The following RARB variants were observed in gnomAD, a reference collection of about 807,000 sequenced individuals.
The protein encoded by RARB is HBV-activated protein.
Under a neutral mutation model 51.9 loss-of-function variants are expected in RARB, and 17 were observed. That is an observed-to-expected ratio of 0.33 (90% CI 0.22 to 0.49). The LOEUF (loss-of-function observed/expected upper bound fraction) is 0.49, where lower values mean the gene tolerates loss of function less well. RARB is among the 20% of genes least tolerant of loss of function. RARB has a pLI of 0.99. For synonymous variants in RARB, 215 were observed against 195.4 expected, an observed-to-expected ratio of 1.10 and a Z score of -0.84; for missense variants, 369 against 550.8, an observed-to-expected ratio of 0.67 and a Z score of 3.30.
chr3:25,425,251 A>G (rs527643451), upstream of RARB, among the ~76,000 whole-genome samples: 6 of 152,192 alleles, frequency 3.9e-5, no homozygotes, highest in Non-Finnish European at 8.8e-5. Context: ...TACCCTACTC[A>G]TTAATCTTTA....
intron 3 of RARB, among the ~76,000 whole-genome samples, chr3:25,115,553 C>A (rs180912481): frequency 2.4e-3 from 372 of 151,958 alleles, no homozygotes; most frequent in African/African-American, 8.5e-3. Context: ...TTCTTTGCTT[C>A]TTTTCTCCCC....
At chr3:25,492,588 T>C (rs1163489240) in intron 2 of RARB, among the ~76,000 whole-genome samples, 1 of 152,220 alleles carries the variant, frequency 6.6e-6, no homozygotes, top group Non-Finnish European at 1.5e-5. Context: ...CTGTGGTCTC[T>C]GGGTCTAACA....
chr3:25,027,662 A>G (rs769277417), intron 2 of RARB, among the ~76,000 whole-genome samples: 27 of 145,814 alleles, frequency 1.9e-4, no homozygotes, highest in Non-Finnish European at 2.7e-4. Flanking sequence ...AGTTAGCAAG[A>G]CCATAAAAGA....
chr3:25,589,261 C>T lies in RARB; in HGVS notation c.787-4242C>T, dbSNP rs374705032. ...AAAAGCAAGTGCAAACACTTTGCCT[C>T]AGCAGTGAGTCATCGAAGCTTCACA... On this transcript the variant is annotated intron_variant, in intron 5 of 7. Coordinates refer to ENST00000330688, the MANE Select transcript of RARB (RefSeq NM_000965.5). Among the ~76,000 whole-genome samples, 17 of 152,252 alleles carry T rather than the reference C, an allele frequency of 1.1e-4. No homozygotes were observed. The East Asian group carries it at 2.7e-3, about 24-fold the overall frequency.
chr3:25,371,941 G>A (rs924179235), intron 5 of RARB, among the ~76,000 whole-genome samples: 1 of 152,176 alleles, frequency 6.6e-6, no homozygotes, highest in East Asian at 1.9e-4. Flanking sequence ...TGGATTTGAC[G>A]TTGAACAGTG....
At chr3:24,842,594 G>T (rs1417470402) in intron 1 of RARB, among the ~76,000 whole-genome samples, 1 of 152,072 alleles carries the variant, frequency 6.6e-6, no homozygotes, top group Admixed American at 6.6e-5. Context: ...TTAAGTAATA[G>T]TCCTCTTGAG....
intron 2 of RARB, among the ~76,000 whole-genome samples, chr3:24,964,188 A>T (rs976616321): frequency 2.0e-5 from 3 of 152,110 alleles, no homozygotes; most frequent in African/African-American, 7.2e-5. Context: ...GTGTATAAAA[A>T]GTAAGGTTAG....
chr3:24,994,785 CA>C (rs1696987823), intron 2 of RARB, among the ~76,000 whole-genome samples: 1 of 151,984 alleles, frequency 6.6e-6, no homozygotes, highest in African/African-American at 2.4e-5. Context: ...GTGTCCTTGT[CA>C]AAAATTAGTT....
At chr3:24,894,665 A>G (rs1430132536) in intron 2 of RARB, among the ~76,000 whole-genome samples, 1 of 152,242 alleles carries the variant, frequency 6.6e-6, no homozygotes, top group Non-Finnish European at 1.5e-5. Flanking sequence ...AATTATTCAG[A>G]AAGTTCTGTG....
intron 3 of RARB, among the ~76,000 whole-genome samples, chr3:25,109,181 C>T (rs773763035): frequency 2.0e-5 from 3 of 152,082 alleles, no homozygotes; most frequent in Non-Finnish European, 4.4e-5. Context: ...GTATAGTTAC[C>T]TCATATAATA....
At chr3:25,123,439 G>C (rs965469077) in intron 3 of RARB, among the ~76,000 whole-genome samples, 4 of 152,168 alleles carry the variant, frequency 2.6e-5, no homozygotes, top group Admixed American at 6.5e-5. Context: ...ACTACACCCA[G>C]TGTTCTTCAC....
intron 5 of RARB, among the ~76,000 whole-genome samples, chr3:25,249,182 T>A (rs1351937315): frequency 6.6e-6 from 1 of 152,080 alleles, no homozygotes; most frequent in Non-Finnish European, 1.5e-5. Context: ...TGTCTTCAAG[T>A]TCCGAAATTC....
At chr3:25,587,183 G>T (rs1319611944) in intron 5 of RARB, among the ~76,000 whole-genome samples, 1 of 152,158 alleles carries the variant, frequency 6.6e-6, no homozygotes, top group Admixed American at 6.5e-5. Flanking sequence ...TTAGTTCCTG[G>T]CACATAGTAA....
At chr3:25,253,461 G>T (rs1702780587) in intron 5 of RARB, among the ~76,000 whole-genome samples, 1 of 152,104 alleles carries the variant, frequency 6.6e-6, no homozygotes, top group Non-Finnish European at 1.5e-5. Flanking sequence ...AATATTCAAA[G>T]AAATAGTTAA....
chr3:24,988,956 G>T (rs1696853306), intron 2 of RARB, among the ~76,000 whole-genome samples: 1 of 152,122 alleles, frequency 6.6e-6, no homozygotes, highest in African/African-American at 2.4e-5. Flanking sequence ...TTCCTGAGTA[G>T]CTGGGATTAC....
chr3:25,368,840 G>T (rs1285484248), intron 5 of RARB, among the ~76,000 whole-genome samples: 1 of 152,192 alleles, frequency 6.6e-6, no homozygotes, highest in African/African-American at 2.4e-5. Flanking sequence ...TCTAACAGAT[G>T]ATTTAGACCC....
At chr3:24,937,887 C>A (rs1048847707) in intron 2 of RARB, among the ~76,000 whole-genome samples, 2 of 151,948 alleles carry the variant, frequency 1.3e-5, no homozygotes, top group African/African-American at 4.8e-5. Flanking sequence ...CCGGAAAAAA[C>A]AAAAAATCTA....
At chr3:25,141,302 A>G (rs1700103123) in intron 4 of RARB, among the ~76,000 whole-genome samples, 2 of 152,002 alleles carry the variant, frequency 1.3e-5, no homozygotes, top group African/African-American at 2.4e-5. Flanking sequence ...TAAATTCAAT[A>G]TACTAGATGA....
rs376370795 is a variant in RARB at position 25,061,672 on chromosome 3, A to G, written c.-328+1496A>G. On this transcript the variant is annotated intron_variant, in intron 3 of 11. Transcript: ENST00000383772. ...ATGTAAGCTGGAATAATGCTAATTT[A>G]TTGTTGCAGTTTAATAATAATATGT... Among the ~76,000 whole-genome samples, 7 of 151,860 alleles carry G rather than the reference A, an allele frequency of 4.6e-5. No individual in the cohort carries two copies. The East Asian group carries it at 9.7e-4, about 21-fold the overall frequency.
Sources: gnomAD v4.1 joint callset for allele counts (sites outside exome capture counted in the v4.1 genomes callset) on GRCh38, gnomAD v4.1.1 for gene constraint, MANE v1.5 for transcripts, NCBI Gene and HGNC (gene_info 2026-07-23, HGNC 2026-07-21) for gene names.